Variants in GRID2 observed in about 807,000 individuals in gnomAD.
The protein encoded by GRID2 is glutamate receptor ionotropic, delta-2.
In GRID2, 33 loss-of-function variants were observed where a neutral mutation model predicts 114.8. The observed-to-expected ratio is 0.29, with a 90% CI of 0.22 to 0.38. The LOEUF (loss-of-function observed/expected upper bound fraction) is 0.38. Ranked by LOEUF, GRID2 falls within the 10% of genes least tolerant of loss-of-function variation. The pLI, the probability that GRID2 is intolerant of heterozygous loss-of-function variation, is 1.00. For missense variants in GRID2, 1,184 were observed against 1,257.7 expected, an observed-to-expected ratio of 0.94 and a Z score of 0.89; for synonymous variants, 505 against 449.9, an observed-to-expected ratio of 1.12 and a Z score of -1.55.
At chr4:93,803,846 G>A (rs1734981928) in intron 1 of GRID2, among the ~76,000 whole-genome samples, 2 of 152,258 alleles carry the variant, frequency 1.3e-5, no homozygotes, top group South Asian at 4.2e-4. Context: ...TGCAAAGTGT[G>A]AATGCAACAA....
At chr4:93,088,141 G>C (rs1730484616) in intron 3 of GRID2, among the ~76,000 whole-genome samples, 1 of 152,066 alleles carries the variant, frequency 6.6e-6, no homozygotes, top group African/African-American at 2.4e-5. Flanking sequence ...TTCAAAAGCA[G>C]TTAATTATAA....
At chr4:93,012,894 C>A (rs1578750066) in intron 2 of GRID2, among the ~76,000 whole-genome samples, 1 of 151,736 alleles carries the variant, frequency 6.6e-6, no homozygotes, top group African/African-American at 2.4e-5. Flanking sequence ...TGACATATAT[C>A]TATGAATATA....
chr4:93,723,557 A>C (rs1014701116), intron 14 of GRID2, among the ~76,000 whole-genome samples: 5 of 152,198 alleles, frequency 3.3e-5, no homozygotes, highest in Non-Finnish European at 7.3e-5. Context: ...ACTTAATTCT[A>C]TGCAATATAA....
intron 2 of GRID2, among the ~76,000 whole-genome samples, chr4:92,760,237 CAA>C (rs982301426): frequency 9.9e-4 from 38 of 38,410 alleles, no homozygotes; most frequent in African/African-American, 3.3e-3. Context: ...GACTCTGTCT[CAA>C]AAAAAAAAAA....
chr4:93,172,081 G>T lies in GRID2; in HGVS notation c.736-35323G>T, dbSNP rs981759075. ...CAAATTGGGCCATGATATCCTTCCTGACCTCAGGTCAATATATTTCATCTT... is the reference window on the plus strand; with the variant it reads ...CAAATTGGGCCATGATATCCTTCCTTACCTCAGGTCAATATATTTCATCTT... On this transcript the variant is annotated intron_variant, in intron 4 of 15. Transcript: ENST00000282020. Among the ~76,000 whole-genome samples the T allele has an allele frequency of 4.6e-5, 7 of 152,110 alleles. No individual in the cohort carries two copies. The East Asian group carries it at 1.3e-3, about 29-fold the overall frequency.
At chr4:93,519,865 T>C (rs1325238847) in intron 13 of GRID2, among the ~76,000 whole-genome samples, 1 of 151,874 alleles carries the variant, frequency 6.6e-6, no homozygotes, top group Admixed American at 6.6e-5. Context: ...CCAAGAGCAA[T>C]ATGGGGAAAG....
At chr4:92,514,982 T>C (rs1368616263) in intron 1 of GRID2, among the ~76,000 whole-genome samples, 1 of 151,874 alleles carries the variant, frequency 6.6e-6, no homozygotes, top group African/African-American at 2.4e-5. Flanking sequence ...TTGCCCTATA[T>C]CAGGTCTCCA....
chr4:92,989,767 A>G (rs1202850424), intron 2 of GRID2, among the ~76,000 whole-genome samples: 1 of 152,166 alleles, frequency 6.6e-6, no homozygotes, highest in Non-Finnish European at 1.5e-5. Flanking sequence ...CTTTCACACA[A>G]TTCATCATAA....
intron 13 of GRID2, among the ~76,000 whole-genome samples, chr4:93,519,065 C>G (rs1205849185): frequency 3.3e-5 from 5 of 152,098 alleles, no homozygotes; most frequent in Non-Finnish European, 7.4e-5. Flanking sequence ...CCTATCCCAG[C>G]CTTTCTAAAC....
At chr4:92,864,420 T>C (rs768191937) in intron 2 of GRID2, among the ~76,000 whole-genome samples, 4 of 152,158 alleles carry the variant, frequency 2.6e-5, no homozygotes, top group East Asian at 1.9e-4. Context: ...GTGGCCAAGA[T>C]GACAGTACTG....
chr4:92,732,196 G>A (rs1047999881), intron 2 of GRID2, among the ~76,000 whole-genome samples: 1 of 151,836 alleles, frequency 6.6e-6, no homozygotes, highest in Non-Finnish European at 1.5e-5. Context: ...ATGTGAAAAT[G>A]GACCTAGAGA....
intron 2 of GRID2, among the ~76,000 whole-genome samples, chr4:92,830,478 C>T (rs1386375629): frequency 6.6e-6 from 1 of 152,066 alleles, no homozygotes; most frequent in Admixed American, 6.6e-5. Flanking sequence ...AAGGCATTCA[C>T]TGTCTTCTAG....
rs565238072 is a variant in GRID2, at chr4:92,822,238, G to T, written c.244+231952G>T. ...GCATTGATGATATTCCCACCACATA[G>T]CATATCAAGGTGCTTGCCTTTGTTG... On this transcript the variant is annotated intron_variant, in intron 2 of 15. Coordinates refer to ENST00000282020, the MANE Select transcript of GRID2 (RefSeq NM_001510.4). 2.5e-4 allele frequency: 136 copies of T among 540,762 alleles called. 1 individual carries two copies. The Admixed American group carries it at 2.6e-3, about 10-fold the overall frequency. The allele number at this position is 540,762 out of a possible 1,614,324, so 33.5% of individuals were successfully genotyped here.
chr4:92,635,390 G>T (rs1012655396), intron 2 of GRID2, among the ~76,000 whole-genome samples: 1 of 152,042 alleles, frequency 6.6e-6, no homozygotes, highest in African/African-American at 2.4e-5. Flanking sequence ...CTCTTCTGAG[G>T]TTATATATGT....
At chr4:93,333,069 C>G (rs1353218227) in intron 8 of GRID2, among the ~76,000 whole-genome samples, 1 of 152,108 alleles carries the variant, frequency 6.6e-6, no homozygotes, top group African/African-American at 2.4e-5. Context: ...CTGTTAGCTT[C>G]TGGGTGCTCT....
intron 4 of GRID2, among the ~76,000 whole-genome samples, chr4:93,118,217 A>T (rs1029401504): frequency 2.0e-5 from 3 of 152,074 alleles, no homozygotes; most frequent in Non-Finnish European, 4.4e-5. Context: ...ATTTTTCAGT[A>T]ATTTAGGCAA....
intron 14 of GRID2, among the ~76,000 whole-genome samples, chr4:93,709,822 A>G (rs988377319): frequency 2.0e-5 from 3 of 152,006 alleles, no homozygotes; most frequent in African/African-American, 7.2e-5. Context: ...AAGCTCATTC[A>G]TTCTTTTTTC....
rs192504712 is a variant in GRID2 at position 92,309,106 on chromosome 4, A to G, written c.88+4362A>G. On this transcript the variant is annotated intron_variant, in intron 1 of 15. Coordinates refer to ENST00000282020, the MANE Select transcript of GRID2 (RefSeq NM_001510.4). The stretch of plus-strand genomic sequence containing the variant: ...TGTACATCCACTAAATATCTGTTAT[A>G]AATTTTAAGCCAAATAGGAATAAAA... Among the ~76,000 whole-genome samples, 155 of 152,180 alleles carry G rather than the reference A, an allele frequency of 1.0e-3. 2 individuals carry two copies. The highest frequency in any genetic ancestry group is 3.5e-3 in the African/African-American group (147 of 41,574).
intron 2 of GRID2, among the ~76,000 whole-genome samples, chr4:92,824,772 C>T (rs1741567548): frequency 6.6e-6 from 1 of 151,966 alleles, no homozygotes; most frequent in Non-Finnish European, 1.5e-5. Flanking sequence ...AAGAAATTAA[C>T]TTTAAATTGC....
Sources: gnomAD v4.1 joint callset for allele counts (sites outside exome capture counted in the v4.1 genomes callset) on GRCh38, gnomAD v4.1.1 for gene constraint, MANE v1.5 for transcripts, NCBI Gene and HGNC (gene_info 2026-07-23, HGNC 2026-07-21) for gene names.